MTHFS: variants seen among roughly 807,000 people sequenced by gnomAD.
The protein encoded by MTHFS is 5-formyltetrahydrofolate cyclo-ligase.
A neutral mutation model predicts 12.7 loss-of-function variants in MTHFS; 7 were observed. That is an observed-to-expected ratio of 0.55 (90% CI 0.31 to 1.03). MTHFS has a LOEUF of 1.03. Ranked by LOEUF, MTHFS falls within the 50% of genes least tolerant of loss-of-function variation. The pLI is 0.05. For synonymous variants in MTHFS, 100 were observed against 97.1 expected, an observed-to-expected ratio of 1.03 and a Z score of -0.18; for missense variants, 252 against 258.1, an observed-to-expected ratio of 0.98 and a Z score of 0.16.
chr15:79,849,754 G>A (rs536913699), intron 2 of MTHFS, among the ~76,000 whole-genome samples: 16 of 152,376 alleles, frequency 1.1e-4, no homozygotes, highest in Admixed American at 3.9e-4. Flanking sequence ...TTCTGTGTTA[G>A]TGGGCACAGA....
At chr15:79,845,500 G>A (rs2033596561) in intron 2 of MTHFS, 58 bp from the exon 3 acceptor site, 1 of 1,566,660 alleles carries the variant, frequency 6.4e-7, no homozygotes, top group Non-Finnish European at 8.7e-7. Flanking sequence ...ATCATTTCAG[G>A]ATGTGTTTTT....
intron 1 of MTHFS, among the ~76,000 whole-genome samples, chr15:79,895,152 T>C (rs1596085798): frequency 6.6e-6 from 1 of 152,190 alleles, no homozygotes; most frequent in African/African-American, 2.4e-5. Flanking sequence ...TCCAAGGATA[T>C]ACAGTTAAAA....
At chr15:79,877,146 C>T (rs2034212094) in intron 2 of MTHFS, 1 of 151,576 alleles carries the variant, frequency 6.6e-6, no homozygotes, top group Non-Finnish European at 1.5e-5. Flanking sequence ...TACTTAAAGA[C>T]AGATCTACAG....
intron 2 of MTHFS, among the ~76,000 whole-genome samples, chr15:79,849,166 T>G (rs2033669741): frequency 1.3e-5 from 2 of 152,162 alleles, no homozygotes; most frequent in South Asian, 4.1e-4. Context: ...GTTGTAGCCC[T>G]GCCCACAGAA....
intron 2 of MTHFS, among the ~76,000 whole-genome samples, chr15:79,862,903 C>G (rs2033942493): frequency 6.6e-6 from 1 of 152,174 alleles, no homozygotes; most frequent in South Asian, 2.1e-4. Context: ...AGGGCACACC[C>G]CAAGACCATA....
intron 1 of MTHFS, among the ~76,000 whole-genome samples, chr15:79,895,641 A>G (rs2141383382): frequency 6.6e-6 from 1 of 152,366 alleles, no homozygotes; most frequent in South Asian, 2.1e-4. Flanking sequence ...CATAATAGCT[A>G]AAATAATTCT....
chr15:79,893,275 C>T (rs991071014), intron 1 of MTHFS, among the ~76,000 whole-genome samples: 1 of 151,738 alleles, frequency 6.6e-6, no homozygotes, highest in African/African-American at 2.4e-5. Context: ...TGGCGGCAGG[C>T]GCCTGTAATC....
At chr15:79,889,789 CT>C (rs1275951937) in intron 1 of MTHFS, among the ~76,000 whole-genome samples, 6 of 152,180 alleles carry the variant, frequency 3.9e-5, no homozygotes, top group African/African-American at 1.4e-4. Context: ...CTTCTCTCTC[CT>C]CCCAAATTCT....
rs2033590277 is a variant in MTHFS, at chr15:79,845,297, GA to G, written c.524del (p.Phe175SerfsTer11). ...GGACCTGGAGGCAAATCTGTTCTTT[GA>G]AAGCCAACGCCAGGGTGTAGGGCTT... ...EVKPYTLALA[F>X]KEQICLQVPV... On this transcript the variant is annotated frameshift_variant, in exon 3 of 3. Coordinates refer to ENST00000258874, the MANE Select transcript of MTHFS (RefSeq NM_006441.4). LOFTEE classifies it high-confidence loss of function. 6.2e-7 allele frequency: 1 copy of G among 1,614,062 alleles called. No individual in the cohort carries two copies.
At chr15:79,853,797 G>A in intron 2 of MTHFS, among the ~76,000 whole-genome samples, 1 of 152,226 alleles carries the variant, frequency 6.6e-6, no homozygotes, top group East Asian at 1.9e-4. Context: ...CGAAACACGT[G>A]TGATAGGAAA....
chr15:79,886,402 G>A (rs562132175), intron 2 of MTHFS, among the ~76,000 whole-genome samples: 7 of 152,236 alleles, frequency 4.6e-5, no homozygotes, highest in African/African-American at 9.6e-5. Context: ...CAACAACAGC[G>A]AGCTTTGACC....
In MTHFS at chr15:79,844,969, C is replaced by T. The variant is rs1322833365; in HGVS notation, c.*241G>A. On this transcript the variant is annotated 3_prime_UTR_variant, in exon 3 of 3. Transcript: ENST00000258874. ...ACAGATCAACTTGTCACATTAACAC[C>T]AGGAAGTTAAGCTGAAAATCACAGG... 2.4e-4 allele frequency: 135 copies of T among 557,882 alleles called. No individual in the cohort carries two copies. The highest frequency in any genetic ancestry group is 2.4e-5 in the Non-Finnish European group (8 of 328,336). The allele number at this position is 557,882 out of a possible 1,614,324, so 34.6% of individuals were successfully genotyped here.
chr15:79,853,113 CT>C (rs1303368225), intron 2 of MTHFS, among the ~76,000 whole-genome samples: 1 of 152,112 alleles, frequency 6.6e-6, no homozygotes, highest in African/African-American at 2.4e-5. Flanking sequence ...AGGTTCACCC[CT>C]ATAAGGATAT....
chr15:79,883,617 T>C (rs928760109), intron 2 of MTHFS, among the ~76,000 whole-genome samples: 1 of 152,228 alleles, frequency 6.6e-6, no homozygotes, highest in Non-Finnish European at 1.5e-5. Flanking sequence ...GGAAATAATT[T>C]CTGCTTACTG....
chr15:79,846,455 G>A (rs2033617350), intron 2 of MTHFS, among the ~76,000 whole-genome samples: 1 of 152,198 alleles, frequency 6.6e-6, no homozygotes, highest in African/African-American at 2.4e-5. Context: ...TGGAAGCCAT[G>A]AATTCTCCAG....
chr15:79,846,309 C>A (rs1355381082), intron 2 of MTHFS, among the ~76,000 whole-genome samples: 1 of 152,222 alleles, frequency 6.6e-6, no homozygotes, highest in East Asian at 1.9e-4. Flanking sequence ...ACATGTCAAA[C>A]CCAGTAGTCT....
intron 2 of MTHFS, among the ~76,000 whole-genome samples, chr15:79,864,545 A>AAG (rs2033974632): frequency 1.1e-5 from 1 of 87,384 alleles, no homozygotes; most frequent in Non-Finnish European, 2.4e-5. Flanking sequence ...ACTCCATCTC[A>AAG]ACAAAAAAAA....
At chr15:79,887,015 A>T (rs1416443055) in intron 2 of MTHFS, among the ~76,000 whole-genome samples, 1 of 152,208 alleles carries the variant, frequency 6.6e-6, no homozygotes, top group Non-Finnish European at 1.5e-5. Context: ...CAGGTGGATC[A>T]TCTGAGGTCA....
At chr15:79,864,177 C>T (rs1301141744) in intron 2 of MTHFS, among the ~76,000 whole-genome samples, 1 of 152,176 alleles carries the variant, frequency 6.6e-6, no homozygotes, top group South Asian at 2.1e-4. Flanking sequence ...TGTAAGAGCA[C>T]TTAGCATAAG....
Sources: gnomAD v4.1 joint callset for allele counts (sites outside exome capture counted in the v4.1 genomes callset) on GRCh38, gnomAD v4.1.1 for gene constraint, MANE v1.5 for transcripts, NCBI Gene and HGNC (gene_info 2026-07-23, HGNC 2026-07-21) for gene names.